SEMA4F: variants seen among roughly 807,000 people sequenced by gnomAD.
SEMA4F encodes the protein semaphorin-4F.
A neutral mutation model predicts 78.4 loss-of-function variants in SEMA4F; 51 were observed. The ratio of observed to expected loss-of-function variants is 0.65; its 90% CI spans 0.52 to 0.82. SEMA4F has a LOEUF of 0.82. Ranked by LOEUF, SEMA4F falls within the 40% of genes least tolerant of loss-of-function variation. SEMA4F has a pLI of 0.00. For missense variants in SEMA4F, 938 were observed against 1,014.4 expected (o/e 0.92, Z 1.02); for synonymous variants, 418 against 408.7 (o/e 1.02, Z -0.27).
rs1336313417 is a variant in SEMA4F at position 74,656,553 on chromosome 2, C to T, written c.165C>T (p.Thr55=). The change falls in exon 2 of 14, where the codon ACC becomes ACT. Residue 55 remains threonine (T), a synonymous_variant. Transcript: ENST00000357877. ...TGCCAGAGGCTGACTCCTGTCTCAC[C>T]CGGTTCGCAGTCCCTCACACATACA... ...LPISEADSCL[T]RFAVPHTYNY... 2.5e-6 allele frequency: 4 copies of T among 1,613,810 alleles called. No individual in the cohort carries two copies. Among genetic ancestry groups the T allele is most frequent in the Middle Eastern group, 1.6e-4 (1 of 6,080 alleles).
At chr2:74,684,363 G>A (rs75387566), downstream of SEMA4F, among the ~76,000 whole-genome samples, 498 of 152,020 alleles carry the variant, frequency 3.3e-3, no homozygotes, top group African/African-American at 0.012. Context: ...GCTATGATGC[G>A]ATAACAACCC....
intron 5 of SEMA4F, among the ~76,000 whole-genome samples, chr2:74,668,386 A>G (rs1313445403): frequency 6.6e-6 from 1 of 152,218 alleles, no homozygotes; most frequent in Non-Finnish European, 1.5e-5. Context: ...CAGAAATCCT[A>G]CATGGCCAAC....
chr2:74,679,296 C>G lies in SEMA4F; in HGVS notation c.1664C>G (p.Ser555Ter). Reference protein sequence around the residue: ...EHRGLVQDIESADVSSLCPKE... With the variant: ...EHRGLVQDIE ...TATAGGTTGGTCCAAGACATAGAGT[C>G]AGCAGATGTCTCCTCTTTGTGTCCT... The change falls in exon 13 of 14, where the codon TCA becomes TGA. Residue 555 changes from serine to a stop codon, truncating the protein, a stop_gained. Coordinates refer to ENST00000357877, the MANE Select transcript of SEMA4F (RefSeq NM_004263.5). LOFTEE classifies it high-confidence loss of function. 1 of 1,613,402 alleles carries G rather than the reference C, an allele frequency of 6.2e-7. No individual in the cohort carries two copies. The highest frequency in any genetic ancestry group is 2.2e-5 in the East Asian group (1 of 44,878).
At chr2:74,708,237 T>C in the SEMA4F span, among the ~76,000 whole-genome samples, 1 of 152,148 alleles carries the variant, frequency 6.6e-6, no homozygotes, top group Non-Finnish European at 1.5e-5. Context: ...CCAAAAATAT[T>C]TAACACCCAG....
At chr2:74,678,499 C>A (rs1011897230) in intron 12 of SEMA4F, among the ~76,000 whole-genome samples, 1 of 152,180 alleles carries the variant, frequency 6.6e-6, no homozygotes, top group African/African-American at 2.4e-5. Context: ...GACCTCAATT[C>A]ATATTGAAGG....
chr2:74,675,590 T>G lies in SEMA4F; in HGVS notation c.1438T>G (p.Leu480Val). The G allele has an allele frequency of 1.2e-6, 2 of 1,614,202 alleles. No homozygotes were observed. Among genetic ancestry groups the G allele is most frequent in the Non-Finnish European group, 1.7e-6 (2 of 1,180,024 alleles). Residue 480 changes from leucine to valine, a missense_variant, in exon 11 of 14, where the codon TTA (leucine) becomes GTA (valine). Leu to Val is a conservative substitution (Grantham distance 32). Transcript: ENST00000357877. ...AQLSVLEDLA[L>V]FPEPQPVENM... ...GCTCAGCGTTCTTGAAGATCTGGCC[T>G]TATTCCCAGAGCCACAGCCAGTTGA...
chr2:74,676,178 C>T (rs181670442), intron 12 of SEMA4F, among the ~76,000 whole-genome samples: 4 of 152,344 alleles, frequency 2.6e-5, no homozygotes, highest in African/African-American at 4.8e-5. Context: ...GCTTAGTTTT[C>T]ATCTTACAAG....
intron 4 of SEMA4F, among the ~76,000 whole-genome samples, chr2:74,660,945 G>A (rs992247645): frequency 6.6e-6 from 1 of 152,168 alleles, no homozygotes; most frequent in Non-Finnish European, 1.5e-5. Context: ...GATCTTTGAA[G>A]CATATGTGAA....
chr2:74,692,857 A>T, the SEMA4F span, among the ~76,000 whole-genome samples: 1 of 152,262 alleles, frequency 6.6e-6, no homozygotes, highest in African/African-American at 2.4e-5. Context: ...AATGCAGCTC[A>T]TCTCACTGAC....
chr2:74,686,075 G>A (rs1050376793), downstream of SEMA4F, among the ~76,000 whole-genome samples: 1 of 151,838 alleles, frequency 6.6e-6, no homozygotes, highest in Non-Finnish European at 1.5e-5. Flanking sequence ...TGCTGGAGAG[G>A]ATGTGGAGAA....
At chr2:74,690,512 A>C in the SEMA4F span, among the ~76,000 whole-genome samples, 2 of 152,142 alleles carry the variant, frequency 1.3e-5, no homozygotes, top group Non-Finnish European at 2.9e-5. Flanking sequence ...AAGACGTTTG[A>C]TAATGATGTT....
intron 4 of SEMA4F, among the ~76,000 whole-genome samples, chr2:74,659,256 A>T (rs184975898): frequency 1.6e-3 from 242 of 152,222 alleles, no homozygotes; most frequent in Middle Eastern, 6.8e-3. Context: ...GTCCTTTTCC[A>T]TTCTGCCAGG....
Position 74,679,625 on chromosome 2 carries a change from G to T in SEMA4F, c.1729G>T (p.Val577Leu), listed in dbSNP as rs779262858. The T allele has an allele frequency of 6.2e-7, 1 of 1,605,522 alleles. No homozygotes were observed. Among genetic ancestry groups the T allele is most frequent in the Non-Finnish European group, 8.5e-7 (1 of 1,174,678 alleles). ...GERPVVFEVP[V>L]ATAAHVVLPC... is the part of the protein sequence containing the mutation. ...ACGTCCAGTAGTGTTTGAAGTTCCC[G>T]TGGCTACAGCTGCGCATGTGGTCTT... The change falls in exon 14 of 14, where the codon GTG (valine) becomes TTG (leucine). Residue 577 changes from valine to leucine, a missense_variant. By Grantham distance (32) the Val-to-Leu change is conservative. Coordinates refer to ENST00000357877, the MANE Select transcript of SEMA4F (RefSeq NM_004263.5).
At chr2:74,686,644 A>T (rs1685828853), downstream of SEMA4F, among the ~76,000 whole-genome samples, 1 of 152,220 alleles carries the variant, frequency 6.6e-6, no homozygotes, top group Non-Finnish European at 1.5e-5. Context: ...TCCATCAGTG[A>T]TAGACTGGAT....
intron 5 of SEMA4F, among the ~76,000 whole-genome samples, chr2:74,667,284 C>T (rs1684745111): frequency 6.6e-6 from 1 of 152,188 alleles, no homozygotes; most frequent in Non-Finnish European, 1.5e-5. Flanking sequence ...TTGCATTAAT[C>T]TACTTAATTG....
intron 5 of SEMA4F, 80 bp downstream of exon 5, chr2:74,662,905 C>A: frequency 4.1e-6 from 5 of 1,206,132 alleles, no homozygotes; most frequent in Non-Finnish European, 3.7e-6. Flanking sequence ...TTTCTGTGTT[C>A]TTTCTTACCT....
At position 74,658,023 on chromosome 2, in the gene SEMA4F, G is replaced by A. The variant is rs1684245885; in HGVS notation, c.456+72G>A. ...TGAGTTACTTGGGGTGGTGGTGGGA[G>A]GATGGGAAGGGTTTTCTGTGAGCGA... On this transcript the variant is annotated intron_variant, in intron 4 of 13. Transcript: ENST00000357877. This position sits in a 1 kb window ranked among gnomAD's most constrained non-coding sequence, Gnocchi z 4.3. The A allele has an allele frequency of 7.3e-7, 1 of 1,372,204 alleles. No homozygotes were observed. The highest frequency in any genetic ancestry group is 1.0e-6 in the Non-Finnish European group (1 of 963,242). 85.0% of individuals were successfully genotyped at this position (1,372,204 alleles called of 1,614,324 possible).
Position 74,658,065 on chromosome 2 carries a change from G to A in SEMA4F, c.456+114G>A. 1.1e-6 allele frequency: 1 copy of A among 904,442 alleles called. No homozygotes were observed. Among genetic ancestry groups the A allele is most frequent in the South Asian group, 1.4e-5 (1 of 73,822 alleles). 56.0% of individuals were successfully genotyped at this position (904,442 alleles called of 1,614,324 possible). On this transcript the variant is annotated intron_variant, in intron 4 of 13. Coordinates refer to ENST00000357877, the MANE Select transcript of SEMA4F (RefSeq NM_004263.5). The surrounding 1 kb of genome is among the most constrained non-coding windows in gnomAD (Gnocchi z 4.3). ...TGTGAGCGACCATGATGGGGGCATG[G>A]TCAAGGCAACCATTGTGCATGATAA...
At chr2:74,693,414 T>C in the SEMA4F span, among the ~76,000 whole-genome samples, 1 of 152,244 alleles carries the variant, frequency 6.6e-6, no homozygotes, top group Non-Finnish European at 1.5e-5. Flanking sequence ...TATTTCACCA[T>C]TGTTTTTCAC....
Sources: gnomAD v4.1 joint callset for allele counts (sites outside exome capture counted in the v4.1 genomes callset) on GRCh38, gnomAD v4.1.1 for gene constraint, Gnocchi (gnomAD v3.1) non-coding constraint, MANE v1.5 for transcripts, NCBI Gene and HGNC (gene_info 2026-07-23, HGNC 2026-07-21) for gene names.